HELZ: variants seen among roughly 807,000 people sequenced by gnomAD.
The protein encoded by HELZ is ATP-dependent RNA helicase with zinc finger domain.
HELZ carries 23 observed loss-of-function variants against 218.2 expected under a neutral mutation model. The observed-to-expected ratio is 0.11, with a 90% CI of 0.08 to 0.15. The LOEUF is 0.15. Among genes scored for constraint, HELZ ranks in the 10% least tolerant of loss-of-function variants. HELZ has a pLI of 1.00. For missense variants in HELZ, 1,813 were observed against 2,353.7 expected, an observed-to-expected ratio of 0.77 and a Z score of 4.75; for synonymous variants, 814 against 829.4, an observed-to-expected ratio of 0.98 and a Z score of 0.32.
At chr17:67,203,513 A>G in intron 5 of HELZ, 70 bp from the exon 6 acceptor site, 7 of 1,545,940 alleles carry the variant, frequency 4.5e-6, no homozygotes, top group Non-Finnish European at 6.2e-6. Context: ...TATAGTATTA[A>G]CACACTATCA....
At chr17:67,209,025 AAG>A (rs2040381247) in intron 5 of HELZ, among the ~76,000 whole-genome samples, 1 of 96,256 alleles carries the variant, frequency 1.0e-5, no homozygotes, top group Non-Finnish European at 2.1e-5. Flanking sequence ...GGAAGGAAGG[AAG>A]GGAGGAAGGG....
intron 13 of HELZ, among the ~76,000 whole-genome samples, chr17:67,169,767 T>G (rs900644889): frequency 6.6e-6 from 1 of 152,164 alleles, no homozygotes; most frequent in Admixed American, 6.5e-5. Flanking sequence ...CTAAATCAGA[T>G]ACGGATAAGA....
intron 3 of HELZ, chr17:67,225,119 A>G: frequency 2.3e-6 from 1 of 433,814 alleles, no homozygotes; most frequent in Non-Finnish European, 4.2e-6. Flanking sequence ...AGCCCAAAGC[A>G]TTTGTTTTAA....
At chr17:67,214,242 T>G (rs1419484670) in intron 5 of HELZ, among the ~76,000 whole-genome samples, 2 of 149,978 alleles carry the variant, frequency 1.3e-5, no homozygotes, top group Admixed American at 1.3e-4. Context: ...CTTTAATGAA[T>G]GGTTAAATTA....
intron 3 of HELZ, among the ~76,000 whole-genome samples, chr17:67,228,730 T>TTAC (rs2040959253): frequency 6.6e-6 from 1 of 151,492 alleles, no homozygotes; most frequent in African/African-American, 2.4e-5. Flanking sequence ...ATTATTATTA[T>TTAC]TATTAGAGAC....
At chr17:67,080,450 G>A (rs1241241766) in intron 32 of HELZ, among the ~76,000 whole-genome samples, 3 of 152,002 alleles carry the variant, frequency 2.0e-5, no homozygotes, top group Non-Finnish European at 4.4e-5. Flanking sequence ...TATTCTCACA[G>A]ACCTTCTATT....
chr17:67,184,437 C>A (rs1163111219), intron 12 of HELZ, among the ~76,000 whole-genome samples: 2 of 152,048 alleles, frequency 1.3e-5, no homozygotes, highest in African/African-American at 2.4e-5. Context: ...TGCTTAAAAA[C>A]AATGAACACC....
At chr17:67,218,520 T>G in intron 4 of HELZ, 75 bp downstream of exon 4, 5 of 1,108,326 alleles carry the variant, frequency 4.5e-6, no homozygotes, top group South Asian at 1.3e-5. Flanking sequence ...GAATTAGCTA[T>G]TTGTATCGTC....
intron 19 of HELZ, among the ~76,000 whole-genome samples, chr17:67,149,595 A>C (rs1386254151): frequency 2.6e-5 from 4 of 152,208 alleles, no homozygotes; most frequent in Non-Finnish European, 5.9e-5. Flanking sequence ...AAAAAAAGTA[A>C]GAATCAGATA....
intron 31 of HELZ, among the ~76,000 whole-genome samples, chr17:67,105,204 A>C (rs1598226092): frequency 6.6e-6 from 1 of 152,194 alleles, no homozygotes; most frequent in Non-Finnish European, 1.5e-5. Flanking sequence ...TTTTTTTTAC[A>C]AAGCGAGTAT....
intron 32 of HELZ, among the ~76,000 whole-genome samples, chr17:67,084,401 G>A (rs992517272): frequency 2.6e-5 from 4 of 152,182 alleles, no homozygotes; most frequent in Non-Finnish European, 5.9e-5. Flanking sequence ...GGTGGCTCAC[G>A]CCTGTAATCC....
intron 5 of HELZ, among the ~76,000 whole-genome samples, chr17:67,206,892 C>T (rs548705980): frequency 1.3e-5 from 2 of 150,766 alleles, no homozygotes; most frequent in East Asian, 3.9e-4. Flanking sequence ...AGCCACTATG[C>T]CGGGTTTTTT....
At chr17:67,136,513 A>G (rs374312185) in intron 22 of HELZ, among the ~76,000 whole-genome samples, 1 of 152,344 alleles carries the variant, frequency 6.6e-6, no homozygotes, top group African/African-American at 2.4e-5. Flanking sequence ...TCATAGCAGC[A>G]TTATTCACAA....
intron 4 of HELZ, 78 bp downstream of exon 4, chr17:67,218,517 C>G: frequency 9.4e-7 from 1 of 1,063,284 alleles, no homozygotes; most frequent in Non-Finnish European, 1.5e-6. Flanking sequence ...CCAGAATTAG[C>G]TATTTGTATC....
At chr17:67,213,953 A>C (rs1365353912) in intron 5 of HELZ, among the ~76,000 whole-genome samples, 2 of 152,204 alleles carry the variant, frequency 1.3e-5, no homozygotes, top group Non-Finnish European at 2.9e-5. Context: ...TTTTTAAAGG[A>C]AAAACTCTAC....
Position 67,078,537 on chromosome 17 carries a change from G to T in HELZ, c.5544C>A (p.Asn1848Lys). Residue 1848 changes from asparagine (N) to lysine (K), a missense_variant, in exon 33 of 33, where the codon AAC becomes AAA. Physicochemically the swap from Asn to Lys is moderately conservative, Grantham distance 94. This residue lies in a region of HELZ where 938 missense variants were observed against 1,027.5 expected (regional missense o/e 0.91). Transcript: ENST00000358691. The stretch of plus-strand genomic sequence containing the variant: ...AGTTGAAGGAACTGGACACCTCGAG[G>T]TTCTCCGACTTCAGTTGATCCTCAG... ...KPPEDQLKSENLEVSSSFNYS... is the reference protein window; with the variant it reads ...KPPEDQLKSEKLEVSSSFNYS... The T allele has an allele frequency of 5.3e-6, 8 of 1,499,530 alleles. No homozygotes were observed. Among genetic ancestry groups the T allele is most frequent in the Admixed American group, 2.4e-5 (1 of 41,476 alleles). 92.9% of individuals were successfully genotyped at this position (1,499,530 alleles called of 1,614,324 possible). A position where few individuals can be genotyped will look rare whatever the true frequency, so the allele number is the denominator to read the frequency against.
At position 67,071,279 on chromosome 17, in the gene HELZ, C is replaced by A. The variant is rs1319518645; in HGVS notation, c.*6973G>T. The A allele has an allele frequency of 6.6e-6, 1 of 152,584 alleles. No individual in the cohort carries two copies. 9.5% of individuals were successfully genotyped at this position (152,584 alleles called of 1,614,324 possible). A position where few individuals can be genotyped will look rare whatever the true frequency, so the allele number is the denominator to read the frequency against. On this transcript the variant is annotated 3_prime_UTR_variant, in exon 33 of 33. Coordinates refer to ENST00000358691, the MANE Select transcript of HELZ (RefSeq NM_014877.4). ...AGGCTGAGAAACATTCTCAGCTGCA[C>A]TGACACTTTGGGACTTCAACCAGGA...
intron 31 of HELZ, among the ~76,000 whole-genome samples, chr17:67,090,869 G>T (rs1039916524): frequency 6.6e-6 from 1 of 150,818 alleles, no homozygotes; most frequent in Non-Finnish European, 1.5e-5. Flanking sequence ...GTTTTGAATT[G>T]TATTGAATTC....
At chr17:67,134,990 T>TA (rs925475686) in intron 23 of HELZ, among the ~76,000 whole-genome samples, 5 of 151,856 alleles carry the variant, frequency 3.3e-5, no homozygotes, top group Non-Finnish European at 7.4e-5. Flanking sequence ...TTTTTTTTTT[T>TA]AATGCTAGCA....
Sources: gnomAD v4.1 joint callset for allele counts (sites outside exome capture counted in the v4.1 genomes callset) on GRCh38, gnomAD v4.1.1 for gene constraint, gnomAD v4.1.1 regional missense constraint, MANE v1.5 for transcripts, NCBI Gene and HGNC (gene_info 2026-07-23, HGNC 2026-07-21) for gene names.